CECR2: variants seen among roughly 807,000 people sequenced by gnomAD.
CECR2 encodes chromatin remodeling regulator CECR2.
In CECR2, 30 loss-of-function variants were observed where a neutral mutation model predicts 154.5. The ratio of observed to expected loss-of-function variants is 0.19; its 90% CI spans 0.15 to 0.26. The LOEUF is 0.26. Ranked by LOEUF, CECR2 falls within the 10% of genes least tolerant of loss-of-function variation. CECR2 has a pLI of 1.00. For synonymous variants in CECR2, 725 were observed against 683.7 expected (o/e 1.06, Z -0.94); for missense variants, 1,743 against 1,829.3 (o/e 0.95, Z 0.86).
intron 1 of CECR2, among the ~76,000 whole-genome samples, chr22:17,405,152 G>C (rs1373589068): frequency 1.3e-5 from 2 of 152,188 alleles, no homozygotes; most frequent in African/African-American, 4.8e-5. Flanking sequence ...ACTCACACCT[G>C]TAATCCCAGC....
At chr22:17,429,661 G>GAACT (rs1423126573) in intron 1 of CECR2, among the ~76,000 whole-genome samples, 2 of 152,172 alleles carry the variant, frequency 1.3e-5, no homozygotes, top group Admixed American at 6.5e-5. Context: ...AGATAAAAAG[G>GAACT]AACTATACAG....
chr22:17,493,014 C>G (rs183717279), intron 2 of CECR2, among the ~76,000 whole-genome samples: 1 of 152,120 alleles, frequency 6.6e-6, no homozygotes, highest in African/African-American at 2.4e-5. Context: ...CTCTGTCGCC[C>G]AGGCTGGAGT....
At chr22:17,484,716 A>G (rs1188042311) in intron 2 of CECR2, among the ~76,000 whole-genome samples, 1 of 152,156 alleles carries the variant, frequency 6.6e-6, no homozygotes, top group African/African-American at 2.4e-5. Flanking sequence ...CGTCTCTACT[A>G]AAAATTCAAA....
intron 16 of CECR2, among the ~76,000 whole-genome samples, chr22:17,546,596 A>G (rs145503939): frequency 5.7e-4 from 87 of 152,106 alleles, no homozygotes; most frequent in African/African-American, 1.9e-3. Context: ...AATTTGTACC[A>G]TTGACCTTTA....
chr22:17,395,615 G>A (rs2053796898), intron 1 of CECR2, among the ~76,000 whole-genome samples: 1 of 152,092 alleles, frequency 6.6e-6, no homozygotes, highest in Non-Finnish European at 1.5e-5. Context: ...CAAAGTGCTG[G>A]GATTACAGGG....
intron 1 of CECR2, among the ~76,000 whole-genome samples, chr22:17,370,318 G>C (rs1167964250): frequency 7.0e-6 from 1 of 142,520 alleles, no homozygotes; most frequent in African/African-American, 2.7e-5. Context: ...GGGGCCGGGC[G>C]CGGGGGGGGG....
intron 1 of CECR2, among the ~76,000 whole-genome samples, chr22:17,470,758 C>G (rs1183485481): frequency 1.3e-5 from 2 of 152,222 alleles, no homozygotes; most frequent in African/African-American, 4.8e-5. Flanking sequence ...ATTTCTAGCA[C>G]TGGCCCCGTC....
intron 1 of CECR2, among the ~76,000 whole-genome samples, chr22:17,476,576 T>G (rs1248915113): frequency 1.3e-5 from 2 of 152,216 alleles, no homozygotes; most frequent in Non-Finnish European, 2.9e-5. Flanking sequence ...TCTGCTATCA[T>G]GTAATTGCTG....
At chr22:17,409,217 C>A (rs1354544086) in intron 1 of CECR2, among the ~76,000 whole-genome samples, 1 of 144,106 alleles carries the variant, frequency 6.9e-6, no homozygotes, top group Non-Finnish European at 1.5e-5. Flanking sequence ...ACTGCAACCT[C>A]CACCTCGCGG....
chr22:17,433,221 A>G (rs1483167729), intron 1 of CECR2, among the ~76,000 whole-genome samples: 2 of 152,210 alleles, frequency 1.3e-5, no homozygotes, highest in African/African-American at 4.8e-5. Context: ...AAATCTTTAG[A>G]AACACTTTTC....
At chr22:17,413,852 T>G (rs1441956081) in intron 1 of CECR2, among the ~76,000 whole-genome samples, 31 of 144,430 alleles carry the variant, frequency 2.1e-4, no homozygotes, top group Admixed American at 3.5e-4. Flanking sequence ...AATTTTTTTT[T>G]TTTTTTAGTA....
At chr22:17,382,112 G>C (rs530962908) in intron 1 of CECR2, among the ~76,000 whole-genome samples, 18 of 151,266 alleles carry the variant, frequency 1.2e-4, no homozygotes, top group South Asian at 6.3e-4. Flanking sequence ...GGATGGTCTT[G>C]ATCTCCTGAC....
intron 1 of CECR2, among the ~76,000 whole-genome samples, chr22:17,457,306 C>T (rs1169283885): frequency 6.6e-6 from 1 of 152,194 alleles, no homozygotes; most frequent in Non-Finnish European, 1.5e-5. Flanking sequence ...GGATTACAGG[C>T]GTGAGCCACT....
At chr22:17,510,470 A>G (rs1273736405) in intron 7 of CECR2, among the ~76,000 whole-genome samples, 2 of 151,936 alleles carry the variant, frequency 1.3e-5, no homozygotes, top group Non-Finnish European at 2.9e-5. Flanking sequence ...AACCTATGAA[A>G]AAAAAAAAGA....
At chr22:17,418,833 A>T (rs2054193769) in intron 1 of CECR2, 1 of 178,682 alleles carries the variant, frequency 5.6e-6, no homozygotes, top group African/African-American at 2.4e-5. Flanking sequence ...GGCCGAGCTC[A>T]TCCTGCAGGG....
At chr22:17,500,501 T>C in intron 4 of CECR2, 130 bp from the exon 5 acceptor site, 1 of 640,434 alleles carries the variant, frequency 1.6e-6, no homozygotes, top group Non-Finnish European at 2.6e-6. Context: ...TGGAAGTTGC[T>C]GTTCCCTTTT....
At chr22:17,388,261 C>T (rs2063288192) in intron 1 of CECR2, among the ~76,000 whole-genome samples, 1 of 152,156 alleles carries the variant, frequency 6.6e-6, no homozygotes, top group Non-Finnish European at 1.5e-5. Context: ...GCCAAGTTTT[C>T]TTCATAGTTA....
At chr22:17,420,042 C>G (rs2054221611) in intron 1 of CECR2, among the ~76,000 whole-genome samples, 3 of 152,110 alleles carry the variant, frequency 2.0e-5, no homozygotes, top group Admixed American at 6.5e-5. Context: ...AAAAAGAAAA[C>G]AAATTGGATG....
At chr22:17,466,988 A>G (rs977051315) in intron 1 of CECR2, among the ~76,000 whole-genome samples, 5 of 152,134 alleles carry the variant, frequency 3.3e-5, no homozygotes, top group Non-Finnish European at 5.9e-5. Context: ...AAGCAGTCCT[A>G]GAAGCTCAGT....
Sources: allele counts gnomAD v4.1 joint callset (sites outside exome capture counted in the v4.1 genomes callset), GRCh38; gene constraint gnomAD v4.1.1; transcripts MANE v1.5; gene names NCBI Gene and HGNC (gene_info 2026-07-23, HGNC 2026-07-21).